SWT1: variants seen among roughly 807,000 people sequenced by gnomAD.
SWT1 encodes transcriptional protein SWT1.
A neutral mutation model predicts 107.3 loss-of-function variants in SWT1; 33 were observed. The ratio of observed to expected loss-of-function variants is 0.31; its 90% confidence interval spans 0.23 to 0.41. The LOEUF is 0.41. Ranked by LOEUF, SWT1 falls within the 10% of genes least tolerant of loss-of-function variation. The pLI, the probability that SWT1 is intolerant of heterozygous loss-of-function variation, is 1.00. For missense variants in SWT1, 898 were observed against 1,028.9 expected (o/e 0.87, Z 1.74); for synonymous variants, 345 against 348.3 (o/e 0.99, Z 0.11).
intron 10 of SWT1, among the ~76,000 whole-genome samples, chr1:185,201,015 C>A (rs964110667): frequency 1.3e-5 from 2 of 152,010 alleles, no homozygotes; most frequent in South Asian, 2.1e-4. Context: ...TGGGCTTTGC[C>A]GAGTCTAAAC....
intron 17 of SWT1, 113 bp downstream of exon 17, chr1:185,271,502 G>C: frequency 1.7e-6 from 1 of 601,050 alleles, no homozygotes; most frequent in East Asian, 3.0e-5. Context: ...ATTGATATTT[G>C]CTTTAAATTA....
At chr1:185,165,212 G>A (rs1462964702) in intron 2 of SWT1, among the ~76,000 whole-genome samples, 1 of 152,066 alleles carries the variant, frequency 6.6e-6, no homozygotes, top group African/African-American at 2.4e-5. Context: ...GCGCCCCAAA[G>A]CAACTATAAT....
intron 13 of SWT1, among the ~76,000 whole-genome samples, chr1:185,210,774 C>T (rs953636670): frequency 7.2e-5 from 11 of 152,090 alleles, no homozygotes; most frequent in African/African-American, 1.2e-4. Context: ...TTGCAGATGA[C>T]GTGATCGATA....
At chr1:185,196,698 C>T (rs773095722) in intron 10 of SWT1, among the ~76,000 whole-genome samples, 4 of 152,060 alleles carry the variant, frequency 2.6e-5, no homozygotes, top group Non-Finnish European at 4.4e-5. Context: ...AGAGGTCCTT[C>T]GCATCCCTTG....
chr1:185,206,197 T>A (rs1658322428), intron 12 of SWT1, among the ~76,000 whole-genome samples: 1 of 152,136 alleles, frequency 6.6e-6, no homozygotes, highest in Non-Finnish European at 1.5e-5. Flanking sequence ...GACCTTGTGA[T>A]ACGCCCACGT....
chr1:185,256,794 C>G (rs1662570005), intron 16 of SWT1, among the ~76,000 whole-genome samples: 1 of 152,174 alleles, frequency 6.6e-6, no homozygotes, highest in Non-Finnish European at 1.5e-5. Context: ...CAAAGTCATT[C>G]TCCATCCAGC....
chr1:185,161,067 GTTTTT>G, intron 2 of SWT1, 142 bp downstream of exon 2: 62 of 637,042 alleles, frequency 9.7e-5, no homozygotes, highest in East Asian at 1.4e-4. Flanking sequence ...TGCTTTTCCG[GTTTTT>G]TACTTGCATT....
intron 12 of SWT1, among the ~76,000 whole-genome samples, chr1:185,206,077 A>G (rs571552417): frequency 9.3e-5 from 14 of 150,048 alleles, no homozygotes; most frequent in African/African-American, 3.4e-4. Context: ...TCCTGTCTCA[A>G]CCTCCCAAGT....
At chr1:185,200,809 C>T (rs143276913) in intron 10 of SWT1, among the ~76,000 whole-genome samples, 5,417 of 152,272 alleles carry the variant, frequency 0.036, 309 homozygotes, top group African/African-American at 0.12. Flanking sequence ...TCTTCAGAGC[C>T]GGCAGGCAGG....
chr1:185,193,467 CTT>C (rs770162424), intron 10 of SWT1, among the ~76,000 whole-genome samples: 4 of 139,466 alleles, frequency 2.9e-5, no homozygotes, highest in Admixed American at 7.2e-5. Flanking sequence ...TTTTTCTTTT[CTT>C]TTTTTTTTTT....
intron 5 of SWT1, among the ~76,000 whole-genome samples, chr1:185,175,768 A>T (rs1395433521): frequency 6.6e-6 from 1 of 152,220 alleles, no homozygotes; most frequent in Non-Finnish European, 1.5e-5. Flanking sequence ...AATATTCTGA[A>T]TAGTCTTTAA....
In SWT1 at chr1:185,174,509, A is replaced by C. The variant is rs1259747514; in HGVS notation, c.362A>C (p.Lys121Thr). 6.2e-7 allele frequency: 1 copy of C among 1,611,296 alleles called. No homozygotes were observed. Among genetic ancestry groups the C allele is most frequent in the Non-Finnish European group, 8.5e-7 (1 of 1,179,156 alleles). The change falls in exon 5 of 19, where the codon AAA becomes ACA. Residue 121 changes from lysine to threonine, a missense_variant. Around this residue, in one of 6 missense-constraint regions of SWT1, gnomAD observed 382 missense variants for 362.4 expected, o/e 1.05. Transcript: ENST00000367500. Reference protein sequence around the residue: ...ILQSPSSNGTKKDIHKCVDFK... With the variant: ...ILQSPSSNGTTKDIHKCVDFK... ...CAGAGTCCTTCTTCAAATGGAACTA[A>C]AAAAGACATACATAAATGTGTAGAC...
chr1:185,221,736 A>T (rs1659671634), intron 14 of SWT1, 113 bp from the exon 15 acceptor site: 1 of 652,234 alleles, frequency 1.5e-6, no homozygotes, highest in Non-Finnish European at 2.5e-6. Context: ...AAAGAAAAAG[A>T]ATTGCCACCA....
chr1:185,258,495 T>G (rs1412321596), intron 16 of SWT1, among the ~76,000 whole-genome samples: 2 of 152,310 alleles, frequency 1.3e-5, no homozygotes, highest in East Asian at 3.9e-4. Context: ...GAAGCAAAAT[T>G]TTAGTAGTTC....
chr1:185,175,207 T>G (rs1302558965), intron 5 of SWT1, 94 bp downstream of exon 5: 4 of 1,091,854 alleles, frequency 3.7e-6, no homozygotes, highest in African/African-American at 3.3e-5. Context: ...TTTCTGTTTT[T>G]TTTTTTTTTT....
intron 18 of SWT1, among the ~76,000 whole-genome samples, chr1:185,282,450 G>A (rs1008871108): frequency 2.0e-5 from 3 of 151,688 alleles, no homozygotes; most frequent in African/African-American, 7.3e-5. Context: ...TTCTTGGGGG[G>A]CGGCACACAC....
chr1:185,161,274 C>G (rs534072746), intron 2 of SWT1, among the ~76,000 whole-genome samples: 7 of 152,294 alleles, frequency 4.6e-5, no homozygotes, highest in African/African-American at 1.7e-4. Flanking sequence ...TCCATGTTTT[C>G]TCCTTTTTCA....
chr1:185,174,222 G>A (rs1317298160), intron 4 of SWT1, 150 bp from the exon 5 acceptor site: 1 of 551,892 alleles, frequency 1.8e-6, no homozygotes, highest in Non-Finnish European at 2.9e-6. Context: ...ACCATTAAGT[G>A]AGTAATCCTT....
intron 14 of SWT1, among the ~76,000 whole-genome samples, chr1:185,218,813 AC>A (rs1189900936): frequency 1.3e-5 from 2 of 152,082 alleles, no homozygotes; most frequent in African/African-American, 4.8e-5. Context: ...AGTTAATTAA[AC>A]TCTCTGGACC....
Sources: gnomAD v4.1 joint callset for allele counts (sites outside exome capture counted in the v4.1 genomes callset) on GRCh38, gnomAD v4.1.1 for gene constraint, gnomAD v4.1.1 regional missense constraint, MANE v1.5 for transcripts, NCBI Gene and HGNC (gene_info 2026-07-23, HGNC 2026-07-21) for gene names.